Variants in SFMBT1 observed in about 807,000 individuals in gnomAD.
SFMBT1 encodes the protein Scm like with four mbt domains 1.
Under a neutral mutation model 108.7 loss-of-function variants are expected in SFMBT1, and 32 were observed. The ratio of observed to expected loss-of-function variants is 0.29; its 90% confidence interval spans 0.22 to 0.40. The LOEUF (loss-of-function observed/expected upper bound fraction) is 0.40, where lower values mean the gene tolerates loss of function less well. Among genes scored for constraint, SFMBT1 ranks in the 10% least tolerant of loss-of-function variants. The pLI, the probability that SFMBT1 is intolerant of heterozygous loss-of-function variation, is 1.00. For synonymous variants in SFMBT1, 348 were observed against 369.5 expected, an observed-to-expected ratio of 0.94 and a Z score of 0.67; for missense variants, 816 against 1,059.6, an observed-to-expected ratio of 0.77 and a Z score of 3.19.
chr3:53,010,526 A>C (rs756262257), intron 1 of SFMBT1, among the ~76,000 whole-genome samples: 1 of 152,128 alleles, frequency 6.6e-6, no homozygotes, highest in Non-Finnish European at 1.5e-5. Context: ...TTATACAAGA[A>C]ATTTTCTTAA....
At chr3:52,924,844 G>A (rs545166287) in intron 10 of SFMBT1, among the ~76,000 whole-genome samples, 2 of 152,286 alleles carry the variant, frequency 1.3e-5, no homozygotes, top group East Asian at 1.9e-4. Context: ...AGTGTGGACA[G>A]CAGCAGCAAT....
At chr3:53,032,628 T>A (rs1699726734) in intron 1 of SFMBT1, among the ~76,000 whole-genome samples, 1 of 152,182 alleles carries the variant, frequency 6.6e-6, no homozygotes, top group Admixed American at 6.5e-5. Context: ...GGAATAACAT[T>A]ATAAGTGGAT....
intron 5 of SFMBT1, among the ~76,000 whole-genome samples, chr3:52,933,056 T>A (rs148432571): frequency 2.5e-4 from 38 of 152,308 alleles, no homozygotes; most frequent in African/African-American, 8.9e-4. Context: ...TGGCATACAC[T>A]CTTTTTCTCC....
chr3:53,009,801 ATAAAC>A (rs1297697971), intron 1 of SFMBT1, among the ~76,000 whole-genome samples: 21 of 152,374 alleles, frequency 1.4e-4, no homozygotes, highest in African/African-American at 5.0e-4. Flanking sequence ...TTACAATAAA[ATAAAC>A]TAGAGAAAAC....
Position 52,934,997 on chromosome 3 carries a change from TTTAAGATC to T in SFMBT1, c.365-104_365-97del, listed in dbSNP as rs368161752. 150 of 997,310 alleles carry T rather than the reference TTTAAGATC, an allele frequency of 1.5e-4. No individual in the cohort carries two copies. In the African/African-American group the frequency reaches 2.1e-3, roughly 14 times the overall value. 61.8% of individuals were successfully genotyped at this position (997,310 alleles called of 1,614,324 possible). ...GAGATGGTTTAAAGGTATTTCACATTTTAAGATCTAAGAGTCCAACATACTGCTTGAGA... is the reference window on the plus strand; with the variant it reads ...GAGATGGTTTAAAGGTATTTCACATTTAAGAGTCCAACATACTGCTTGAGA... On this transcript the variant is annotated intron_variant, in intron 4 of 20. Coordinates refer to ENST00000394752, the MANE Select transcript of SFMBT1 (RefSeq NM_016329.4).
rs1160705166 is a variant in SFMBT1, at chr3:52,970,100, C to CA, written c.-130-843dup. Among the ~76,000 whole-genome samples, 1,106 of 127,242 alleles carry CA rather than the reference C, an allele frequency of 8.7e-3. 5 individuals carry two copies. Among genetic ancestry groups the CA allele is most frequent in the African/African-American group, 0.011 (385 of 34,132 alleles). 83.5% of individuals were successfully genotyped at this position (127,242 alleles called of 152,430 possible). A position where few individuals can be genotyped will look rare whatever the true frequency, so the allele number is the denominator to read the frequency against. On this transcript the variant is annotated intron_variant, in intron 1 of 20. Transcript: ENST00000394752. Reference sequence around the variant, plus strand: ...TGGGTGACACAGCCAGACACTGTCTCAAAAAAAAAAAAAGAAGAAGAAAAG... The same window carrying CA: ...TGGGTGACACAGCCAGACACTGTCTCAAAAAAAAAAAAAAGAAGAAGAAAAG...
chr3:52,991,806 A>C (rs1170721681), intron 1 of SFMBT1, among the ~76,000 whole-genome samples: 1 of 152,174 alleles, frequency 6.6e-6, no homozygotes, highest in Non-Finnish European at 1.5e-5. Flanking sequence ...ACCATCAATG[A>C]GGAATGGCAC....
intron 1 of SFMBT1, among the ~76,000 whole-genome samples, chr3:52,993,139 G>C (rs1211211740): frequency 1.5e-5 from 2 of 132,224 alleles, no homozygotes; most frequent in East Asian, 2.2e-4. Flanking sequence ...CATAGAGCAG[G>C]TAAAAAGGGT....
chr3:53,004,257 TC>T lies in SFMBT1; in HGVS notation c.-130-35000del, dbSNP rs530491952. 4.7e-4 allele frequency among the ~76,000 whole-genome samples: 24 copies of T among 50,712 alleles called. 2 individuals carry two copies. The highest frequency in any genetic ancestry group is 3.0e-3 in the East Asian group (3 of 994). 33.3% of individuals were successfully genotyped at this position (50,712 alleles called of 152,430 possible). On this transcript the variant is annotated intron_variant, in intron 1 of 20. Coordinates refer to ENST00000394752, the MANE Select transcript of SFMBT1 (RefSeq NM_016329.4). ...TCCTCCTTCCCTTCTTTCTTCTTTC[TC>T]TCTCTCTCTCTCTCTCTCCTCCTCT...
chr3:52,970,990 C>T (rs951809601), intron 1 of SFMBT1, among the ~76,000 whole-genome samples: 1 of 151,968 alleles, frequency 6.6e-6, no homozygotes, highest in Non-Finnish European at 1.5e-5. Context: ...TGAAAATTAG[C>T]TGGGTGTGGT....
intron 8 of SFMBT1, 99 bp from the exon 9 acceptor site, chr3:52,928,440 TG>T: frequency 4.8e-6 from 6 of 1,257,268 alleles, no homozygotes; most frequent in Non-Finnish European, 6.6e-6. Context: ...CATACTCATG[TG>T]GGTATTAATA....
chr3:52,928,439 G>A, intron 8 of SFMBT1, 98 bp from the exon 9 acceptor site: 1 of 1,280,040 alleles, frequency 7.8e-7, no homozygotes, highest in Non-Finnish European at 1.1e-6. Context: ...TCATACTCAT[G>A]TGGGTATTAA....
chr3:52,948,884 G>A (rs963196628), intron 3 of SFMBT1, among the ~76,000 whole-genome samples: 2 of 27,322 alleles, frequency 7.3e-5, no homozygotes, highest in African/African-American at 2.2e-4. Flanking sequence ...GGCTGGTCTC[G>A]CATTCCTGGG....
intron 1 of SFMBT1, among the ~76,000 whole-genome samples, chr3:53,024,206 G>C (rs573551077): frequency 6.6e-6 from 1 of 152,180 alleles, no homozygotes; most frequent in Non-Finnish European, 1.5e-5. Context: ...TGTCACAGTC[G>C]GGTGGTGTGC....
chr3:52,916,544 CTGT>C (rs1702361728), intron 13 of SFMBT1, among the ~76,000 whole-genome samples: 1 of 151,606 alleles, frequency 6.6e-6, no homozygotes, highest in African/African-American at 2.4e-5. Flanking sequence ...TGGCAGGCAC[CTGT>C]AGTCCCAGCT....
At chr3:53,008,559 C>G (rs1183984044) in intron 1 of SFMBT1, among the ~76,000 whole-genome samples, 1 of 151,880 alleles carries the variant, frequency 6.6e-6, no homozygotes, top group African/African-American at 2.4e-5. Context: ...AAAAGAAAAA[C>G]CAGGCTTTCC....
At chr3:53,004,479 G>T (rs1407421189) in intron 1 of SFMBT1, among the ~76,000 whole-genome samples, 1 of 149,674 alleles carries the variant, frequency 6.7e-6, no homozygotes, top group African/African-American at 2.4e-5. Context: ...CACCATGTTG[G>T]CCAGGATGGT....
intron 13 of SFMBT1, among the ~76,000 whole-genome samples, chr3:52,917,668 G>A (rs1192229070): frequency 1.3e-5 from 2 of 152,300 alleles, no homozygotes; most frequent in East Asian, 1.9e-4. Context: ...TCGGCCTCCT[G>A]TCACATCAGC....
intron 1 of SFMBT1, among the ~76,000 whole-genome samples, chr3:52,979,127 T>C (rs1704620302): frequency 6.6e-6 from 1 of 152,044 alleles, no homozygotes; most frequent in African/African-American, 2.4e-5. Flanking sequence ...ACTATAAAAA[T>C]GGTACTTATA....
Sources: gnomAD v4.1 joint callset for allele counts (sites outside exome capture counted in the v4.1 genomes callset) on GRCh38, gnomAD v4.1.1 for gene constraint, MANE v1.5 for transcripts, NCBI Gene and HGNC (gene_info 2026-07-23, HGNC 2026-07-21) for gene names.